The following ZNF337 variants were observed in gnomAD, a reference collection of about 807,000 sequenced individuals.
ZNF337 encodes the protein zinc finger protein 337.
A neutral mutation model predicts 12.1 loss-of-function variants in ZNF337; 8 were observed. The observed-to-expected ratio is 0.66, with a 90% CI of 0.39 to 1.19. The LOEUF (loss-of-function observed/expected upper bound fraction) is 1.19. Among genes scored for constraint, ZNF337 ranks in the 50% most tolerant of loss-of-function variants. ZNF337 has a pLI of 0.01. For missense variants in ZNF337, 882 were observed against 896.6 expected (o/e 0.98, Z 0.21); for synonymous variants, 336 against 320.0 (o/e 1.05, Z -0.53).
At position 25,675,106 on chromosome 20, in the gene ZNF337, A is replaced by G. The variant is rs1489424810; in HGVS notation, c.2182T>C (p.Tyr728His). ...AAGTGTCTCTTTAAGTGCTTACTGT[A>G]GTATGACTTATTGCTAAACTTTCGT... ...CGRKFSNKSY[Y>H]SKHLKRHLRE... Residue 728 changes from tyrosine (Y) to histidine (H), a missense_variant, in exon 5 of 5, where the codon TAC becomes CAC. Coordinates refer to ENST00000252979, the MANE Select transcript of ZNF337 (RefSeq NM_015655.4). The G allele has an allele frequency of 2.5e-6, 4 of 1,614,118 alleles. No homozygotes were observed. In the South Asian group the frequency reaches 3.3e-5, roughly 13 times the overall value.
intron 4 of ZNF337, among the ~76,000 whole-genome samples, chr20:25,681,848 A>T (rs1036729655): frequency 6.6e-6 from 1 of 152,206 alleles, no homozygotes; most frequent in African/African-American, 2.4e-5. Flanking sequence ...TGCATGCTGA[A>T]GTGTTTATGC....
intron 4 of ZNF337, among the ~76,000 whole-genome samples, chr20:25,682,789 C>T (rs1221039043): frequency 3.3e-5 from 5 of 151,568 alleles, no homozygotes; most frequent in Admixed American, 6.6e-5. Context: ...GAGCCAAGAT[C>T]GCGCCATTGC....
chr20:25,680,991 C>T (rs2065762248), intron 4 of ZNF337: 1 of 152,204 alleles, frequency 6.6e-6, no homozygotes, highest in Non-Finnish European at 1.5e-5. Flanking sequence ...TGATAATGGG[C>T]TGAACATTAG....
At position 25,685,631 on chromosome 20, in the gene ZNF337, C is replaced by T. The variant is rs2065823076; in HGVS notation, c.186G>A (p.Arg62=). The part of the protein sequence containing the change: ...GILHSKPELI[R]RLEQGEVPWG... The stretch of plus-strand genomic sequence containing the variant: ...AGGGCACTTCCCCTTGCTCTAGCCG[C>T]CTGATGAGTTCTGGTTTAGAATGGA... Residue 62 remains arginine, a synonymous_variant, in exon 4 of 5, where the codon AGG becomes AGA. Transcript: ENST00000252979. The T allele has an allele frequency of 1.2e-6, 2 of 1,614,056 alleles. No homozygotes were observed. Among genetic ancestry groups the T allele is most frequent in the African/African-American group, 2.7e-5 (2 of 74,912 alleles).
At position 25,676,366 on chromosome 20, in the gene ZNF337, T is replaced by A; in HGVS notation, c.922A>T (p.Asn308Tyr). 6.2e-7 allele frequency: 1 copy of A among 1,613,504 alleles called. No homozygotes were observed. The highest frequency in any genetic ancestry group is 8.5e-7 in the Non-Finnish European group (1 of 1,179,874). ...CCTGAATGCGCCTTCAAGTGCTTGT[T>A]GTATGAGGACTTATCGTTAAACCTT... The part of the protein sequence containing the change: ...GRRFNDKSSY[N>Y]KHLKAHSGEK... The change falls in exon 5 of 5, where the codon AAC becomes TAC. Residue 308 changes from asparagine (N) to tyrosine (Y), a missense_variant. Coordinates refer to ENST00000252979, the MANE Select transcript of ZNF337 (RefSeq NM_015655.4).
rs758763577 is a variant in ZNF337, at chr20:25,676,208, C to G, written c.1080G>C (p.Lys360Asn). 6.2e-7 allele frequency: 1 copy of G among 1,614,178 alleles called. No homozygotes were observed. The highest frequency in any genetic ancestry group is 8.5e-7 in the Non-Finnish European group (1 of 1,180,036). The change falls in exon 5 of 5, where the codon AAG becomes AAC. Residue 360 changes from lysine (K) to asparagine (N), a missense_variant. Lys to Asn is a moderately conservative substitution (Grantham distance 94). Coordinates refer to ENST00000252979, the MANE Select transcript of ZNF337 (RefSeq NM_015655.4). ...TCCTCTGGTGTGTGATAAGGTGTGACTTATTGCTAAAGCCTCGGCCACACT... is the reference window on the plus strand; with the variant it reads ...TCCTCTGGTGTGTGATAAGGTGTGAGTTATTGCTAAAGCCTCGGCCACACT... Reference protein sequence around the residue: ...CQECGRGFSNKSHLITHQRTH... With the variant: ...CQECGRGFSNNSHLITHQRTH...
At chr20:25,682,614 C>T (rs1293873477) in intron 4 of ZNF337, among the ~76,000 whole-genome samples, 5 of 152,092 alleles carry the variant, frequency 3.3e-5, no homozygotes, top group Non-Finnish European at 5.9e-5. Context: ...AGGAGGATCA[C>T]CTGAGGTCAG....
In ZNF337 at chr20:25,675,658, A is replaced by C. The variant is rs1251779059; in HGVS notation, c.1630T>G (p.Phe544Val). Residue 544 changes from phenylalanine (F) to valine (V), a missense_variant, in exon 5 of 5, where the codon TTC becomes GTC. By Grantham distance (50) the Phe-to-Val change is conservative. Coordinates refer to ENST00000252979, the MANE Select transcript of ZNF337 (RefSeq NM_015655.4). ...HQRTHSGEKP[F>V]MCKQCEKSFS... The stretch of plus-strand genomic sequence containing the variant: ...CTTTTCTCACACTGCTTGCACATGA[A>C]GGGCTTCTCTCCTGAGTGTGTCCTC... 1 of 1,614,066 alleles carries C rather than the reference A, an allele frequency of 6.2e-7. No individual in the cohort carries two copies. The highest frequency in any genetic ancestry group is 1.1e-5 in the South Asian group (1 of 91,078).
At chr20:25,692,803 G>A (rs1401782645) in intron 1 of ZNF337, among the ~76,000 whole-genome samples, 1 of 152,092 alleles carries the variant, frequency 6.6e-6, no homozygotes, top group Non-Finnish European at 1.5e-5. Flanking sequence ...AGGCAAACTT[G>A]AAACATTTAG....
rs578115660 is a variant in ZNF337, at chr20:25,673,234, A to G, written c.*1798T>C. Among the ~76,000 whole-genome samples, 41 of 152,364 alleles carry G rather than the reference A, an allele frequency of 2.7e-4. No homozygotes were observed. The South Asian group carries it at 7.9e-3, about 29-fold the overall frequency. On this transcript the variant is annotated 3_prime_UTR_variant, in exon 5 of 5. Transcript: ENST00000252979. ...GTTTAATATGGAAGAGGAGCACAGA[A>G]TTCTGGTGAACCCACAATGTGCAGT...
At chr20:25,686,772 G>A in intron 1 of ZNF337, 1 of 287,958 alleles carries the variant, frequency 3.5e-6, no homozygotes, top group South Asian at 4.5e-5. Flanking sequence ...AGTTCCAGGT[G>A]TTCTTTGCAC....
intron 4 of ZNF337, among the ~76,000 whole-genome samples, chr20:25,681,711 T>C (rs566632049): frequency 5.3e-5 from 8 of 152,260 alleles, no homozygotes; most frequent in Middle Eastern, 3.4e-3. Flanking sequence ...TGTGTTGTCA[T>C]AGGGGTCCAG....
At chr20:25,686,237 G>T in intron 2 of ZNF337, 115 bp from the exon 3 acceptor site, 1 of 1,546,724 alleles carries the variant, frequency 6.5e-7, no homozygotes, top group Non-Finnish European at 8.8e-7. Context: ...GACACCCACA[G>T]GCCAGTCACC....
Position 25,676,917 on chromosome 20 carries a change from T to C in ZNF337, c.371A>G (p.Glu124Gly). 1.9e-6 allele frequency: 3 copies of C among 1,614,236 alleles called. No individual in the cohort carries two copies. The highest frequency in any genetic ancestry group is 2.5e-6 in the Non-Finnish European group (3 of 1,180,042). ...QSDTAEGQEKEKSTKPMAFSS... is the reference protein window; with the variant it reads ...QSDTAEGQEKGKSTKPMAFSS... ...AAATGCCATGGGCTTAGTGCTTTTTTCTTTCTCTTGACCTTCAGCTGTGTC... is the reference window on the plus strand; with the variant it reads ...AAATGCCATGGGCTTAGTGCTTTTTCCTTTCTCTTGACCTTCAGCTGTGTC... The change falls in exon 5 of 5, where the codon GAA becomes GGA. Residue 124 changes from glutamate to glycine, a missense_variant. Glu to Gly is a moderately conservative substitution (Grantham distance 98). Transcript: ENST00000252979.
intron 1 of ZNF337, among the ~76,000 whole-genome samples, chr20:25,694,291 AAC>A (rs762954863): frequency 3.3e-5 from 5 of 152,216 alleles, no homozygotes; most frequent in Non-Finnish European, 7.3e-5. Context: ...TTCTCAAAGC[AAC>A]ACAGCCAAGA....
chr20:25,696,020 C>CTG (rs936573513), intron 1 of ZNF337, among the ~76,000 whole-genome samples: 1 of 151,742 alleles, frequency 6.6e-6, no homozygotes, highest in Non-Finnish European at 1.5e-5. Flanking sequence ...ATTAGCAAGG[C>CTG]CCCAGGGAAG....
intron 1 of ZNF337, among the ~76,000 whole-genome samples, chr20:25,694,069 C>G (rs1413879294): frequency 6.6e-6 from 1 of 152,166 alleles, no homozygotes; most frequent in East Asian, 1.9e-4. Flanking sequence ...GATGCTAACA[C>G]TAAACACAGC....
intron 4 of ZNF337, among the ~76,000 whole-genome samples, chr20:25,678,855 T>A (rs569943915): frequency 5.3e-5 from 8 of 152,044 alleles, no homozygotes; most frequent in African/African-American, 1.9e-4. Flanking sequence ...GACACGAGGA[T>A]CACTTAAGCC....
At chr20:25,685,785 T>C in intron 3 of ZNF337, 123 bp from the exon 4 acceptor site, 1 of 1,151,100 alleles carries the variant, frequency 8.7e-7, no homozygotes, top group Non-Finnish European at 1.3e-6. Context: ...GAGGACCCTG[T>C]CTACCATGCT....
Sources: allele counts gnomAD v4.1 joint callset (sites outside exome capture counted in the v4.1 genomes callset), GRCh38; gene constraint gnomAD v4.1.1; transcripts MANE v1.5; gene names NCBI Gene and HGNC (gene_info 2026-07-23, HGNC 2026-07-21).